Variants in OPTN observed in about 807,000 individuals in gnomAD.
OPTN encodes the protein E3-14.7K-interacting protein.
Under a neutral mutation model 70.4 loss-of-function variants are expected in OPTN, and 54 were observed. The ratio of observed to expected loss-of-function variants is 0.77; its 90% CI spans 0.62 to 0.96. OPTN has a LOEUF of 0.96. Ranked by LOEUF, OPTN falls within the 40% of genes least tolerant of loss-of-function variation. OPTN has a pLI of 0.00. For missense variants in OPTN, 624 were observed against 673.2 expected (o/e 0.93, Z 0.81); for synonymous variants, 256 against 248.5 (o/e 1.03, Z -0.28).
chr10:13,116,098 G>A (rs892799983), intron 5 of OPTN, among the ~76,000 whole-genome samples, 169 bp from the exon 6 acceptor site: 1 of 152,144 alleles, frequency 6.6e-6, no homozygotes, highest in Non-Finnish European at 1.5e-5. Flanking sequence ...GGGAGGGTAC[G>A]TTTCCATTTC....
In OPTN at chr10:13,100,223, C is replaced by A. The variant is rs1241650567; in HGVS notation, c.-243C>A. The A allele has an allele frequency of 6.5e-6, 1 of 154,080 alleles. No homozygotes were observed. The highest frequency in any genetic ancestry group is 1.4e-5 in the Non-Finnish European group (1 of 69,136). The allele number at this position is 154,080 out of a possible 1,614,324, so 9.5% of individuals were successfully genotyped here. ...GCCGGCAGGTTCCCTGGTCAGCGTCCCATCCCGGTCGGGAGTTCTCTCCAG... is the reference window on the plus strand; with the variant it reads ...GCCGGCAGGTTCCCTGGTCAGCGTCACATCCCGGTCGGGAGTTCTCTCCAG... On this transcript the variant is annotated 5_prime_UTR_variant, in exon 1 of 15. Coordinates refer to ENST00000378747, the MANE Select transcript of OPTN (RefSeq NM_001008212.2).
chr10:13,121,709 G>A (rs757443907), intron 7 of OPTN, among the ~76,000 whole-genome samples: 1 of 151,996 alleles, frequency 6.6e-6, no homozygotes, highest in Non-Finnish European at 1.5e-5. Context: ...TGGCTCAAAG[G>A]TCGGCCTTCT....
chr10:13,109,561 C>A (rs1832947627), intron 3 of OPTN: 1 of 411,956 alleles, frequency 2.4e-6, no homozygotes, highest in African/African-American at 2.0e-5. Flanking sequence ...CGTGGTGGCT[C>A]ATGCCTGTCA....
chr10:13,133,471 TCA>T, intron 13 of OPTN, 29 bp from the exon 14 acceptor site: 2 of 1,603,650 alleles, frequency 1.2e-6, no homozygotes, highest in Non-Finnish European at 1.7e-6. Context: ...TTGTAGAACA[TCA>T]CACAGCGTGT....
At chr10:13,133,404 G>A in intron 13 of OPTN, 98 bp from the exon 14 acceptor site, 1 of 1,008,146 alleles carries the variant, frequency 9.9e-7, no homozygotes, top group South Asian at 1.3e-5. Context: ...AGTGTAGTTT[G>A]AGTCTTTTTT....
chr10:13,107,284 A>G (rs1251199075), intron 1 of OPTN, among the ~76,000 whole-genome samples: 1 of 151,544 alleles, frequency 6.6e-6, no homozygotes, highest in East Asian at 2.0e-4. Flanking sequence ...CTGAGTCAGG[A>G]GAATCACTTG....
intron 14 of OPTN, 76 bp downstream of exon 14, chr10:13,133,657 C>G (rs1272138642): frequency 2.3e-6 from 3 of 1,301,688 alleles, no homozygotes; most frequent in African/African-American, 2.9e-5. Flanking sequence ...AATTCCACTT[C>G]ATTCTCTACA....
At chr10:13,106,730 C>T (rs758465865) in intron 1 of OPTN, among the ~76,000 whole-genome samples, 1 of 152,222 alleles carries the variant, frequency 6.6e-6, no homozygotes, top group African/African-American at 2.4e-5. Flanking sequence ...GCCAAGGACG[C>T]AACACCACAG....
chr10:13,104,855 A>G (rs1041843022), intron 1 of OPTN: 4 of 400,516 alleles, frequency 1.0e-5, no homozygotes, highest in Non-Finnish European at 1.4e-5. Context: ...CGAAGAAGGG[A>G]CAGCATGGGG....
At chr10:13,111,943 G>T (rs1337206098) in intron 4 of OPTN, among the ~76,000 whole-genome samples, 1 of 144,894 alleles carries the variant, frequency 6.9e-6, no homozygotes, top group East Asian at 2.2e-4. Context: ...CGCCTCCCAG[G>T]TTCACGCCAT....
chr10:13,127,606 C>A, intron 11 of OPTN, 139 bp from the exon 12 acceptor site: 1 of 892,080 alleles, frequency 1.1e-6, no homozygotes, highest in Non-Finnish European at 1.8e-6. Flanking sequence ...ATCCTCCCAC[C>A]TCAGCCTCTC....
chr10:13,125,408 CCTTT>C lies in OPTN; in HGVS notation c.999-6_999-3del. ...ATTGTTTATCCTCATGAAATCTTGA[CCTTT>C]CTTAGGTGTCAGGCCCTTGAAAGGA... On this transcript the variant is annotated splice_polypyrimidine_tract_variant and splice_region_variant and intron_variant, in intron 9 of 14. Transcript: ENST00000378747. 1 of 1,614,012 alleles carries C rather than the reference CCTTT, an allele frequency of 6.2e-7. No homozygotes were observed. Among genetic ancestry groups the C allele is most frequent in the South Asian group, 1.1e-5 (1 of 91,064 alleles).
In OPTN at chr10:13,124,064, A is replaced by G; in HGVS notation, c.952A>G (p.Thr318Ala). The G allele has an allele frequency of 1.2e-6, 2 of 1,613,882 alleles. No homozygotes were observed. Among genetic ancestry groups the G allele is most frequent in the South Asian group, 1.1e-5 (1 of 91,034 alleles). ...GTTTAAGGAGCTTCAAGAGGCTCATACAAAACTCAGCGAAGCTGAGCTAAT... is the reference window on the plus strand; with the variant it reads ...GTTTAAGGAGCTTCAAGAGGCTCATGCAAAACTCAGCGAAGCTGAGCTAAT... ...SLFKELQEAH[T>A]KLSEAELMKK... Residue 318 changes from threonine (T) to alanine (A), a missense_variant, in exon 9 of 15, where the codon ACA (threonine) becomes GCA (alanine). By Grantham distance (58) the Thr-to-Ala change is moderately conservative. Coordinates refer to ENST00000378747, the MANE Select transcript of OPTN (RefSeq NM_001008212.2).
chr10:13,126,083 G>T, intron 11 of OPTN, 44 bp downstream of exon 11: 2 of 1,120,498 alleles, frequency 1.8e-6, no homozygotes, highest in Non-Finnish European at 2.7e-6. Flanking sequence ...GTAATGAACA[G>T]AAACTGTTGA....
intron 11 of OPTN, among the ~76,000 whole-genome samples, chr10:13,126,283 C>CTTTTTTTTTTTTTT (rs61018153): frequency 2.9e-5 from 4 of 139,072 alleles, no homozygotes; most frequent in African/African-American, 1.1e-4. Flanking sequence ...CTTCGTATTT[C>CTTTTTTTTTTTTTT]TTTTTTTTTT....
rs111766197 is a variant in OPTN at position 13,128,020 on chromosome 10, G to A, written c.1401+117G>A. ...TTCTATTTTATATATTTTTTCACCCGTGAGTGTATTAAAACTTTAAAATTG... is the reference window on the plus strand; with the variant it reads ...TTCTATTTTATATATTTTTTCACCCATGAGTGTATTAAAACTTTAAAATTG... On this transcript the variant is annotated intron_variant, in intron 12 of 14. Coordinates refer to ENST00000378747, the MANE Select transcript of OPTN (RefSeq NM_001008212.2). 4.9e-4 allele frequency: 605 copies of A among 1,223,458 alleles called. 1 individual carries two copies. The African/African-American group carries it at 8.0e-3, about 16-fold the overall frequency. 75.8% of individuals were successfully genotyped at this position (1,223,458 alleles called of 1,614,324 possible).
At chr10:13,112,773 A>G in intron 5 of OPTN, 138 bp downstream of exon 5, 3 of 818,792 alleles carry the variant, frequency 3.7e-6, no homozygotes, top group South Asian at 3.2e-5. Context: ...ATTGGCTCTC[A>G]TTTTCTAAGT....
At chr10:13,103,742 G>GCACACACACACACACACACACACACACA (rs771828062) in intron 1 of OPTN, among the ~76,000 whole-genome samples, 1 of 64,796 alleles carries the variant, frequency 1.5e-5, no homozygotes, top group African/African-American at 3.2e-5. Flanking sequence ...ACACACACAT[G>GCACACACACACACACACACACACACACA]CACACACACA....
Position 13,126,007 on chromosome 10 carries a change from T to C in OPTN, c.1210T>C (p.Leu404=), listed in dbSNP as rs755517577. The change falls in exon 11 of 15, where the codon TTG becomes CTG. Residue 404 remains leucine (L), a synonymous_variant. Coordinates refer to ENST00000378747, the MANE Select transcript of OPTN (RefSeq NM_001008212.2). ...NKLLQEHNNA[L]KTIEELTRKE... is the part of the protein sequence containing the mutation. ...GCTTCTTCAAGAACATAATAATGCA[T>C]TGAAAACAATTGAGGAACTAACAAG... is the stretch of plus-strand genomic sequence containing the variant. The C allele has an allele frequency of 1.9e-6, 3 of 1,611,804 alleles. No individual in the cohort carries two copies. The highest frequency in any genetic ancestry group is 2.2e-5 in the East Asian group (1 of 44,850).
Sources: gnomAD v4.1 joint callset for allele counts (sites outside exome capture counted in the v4.1 genomes callset) on GRCh38, gnomAD v4.1.1 for gene constraint, MANE v1.5 for transcripts, NCBI Gene and HGNC (gene_info 2026-07-23, HGNC 2026-07-21) for gene names.